The following IQGAP3 variants were observed in gnomAD, a reference collection of about 807,000 sequenced individuals.
The protein encoded by IQGAP3 is ras GTPase-activating-like protein IQGAP3.
Under a neutral mutation model 208.2 loss-of-function variants are expected in IQGAP3, and 165 were observed. The observed-to-expected ratio is 0.79, with a 90% CI of 0.70 to 0.90. The LOEUF (loss-of-function observed/expected upper bound fraction) is 0.90, where lower values mean the gene tolerates loss of function less well. Ranked by LOEUF, IQGAP3 falls within the 40% of genes least tolerant of loss-of-function variation. IQGAP3 has a pLI of 0.00. For synonymous variants in IQGAP3, 703 were observed against 803.6 expected, an observed-to-expected ratio of 0.87 and a Z score of 2.12; for missense variants, 1,811 against 2,043.1, an observed-to-expected ratio of 0.89 and a Z score of 2.19.
chr1:156,526,487 C>T lies in IQGAP3; in HGVS notation c.4895G>A (p.Ter1632=). ...FLLNKKFLRK[*] ...CTTGGGTAGCACCCTTTGCCTCTGTCACTTCCGCAAAAACTTCTTGTTGAG... is the reference window on the plus strand; with the variant it reads ...CTTGGGTAGCACCCTTTGCCTCTGTTACTTCCGCAAAAACTTCTTGTTGAG... Residue 1632 remains the stop codon, a stop_retained_variant, in exon 38 of 38, where the codon TGA becomes TAA. Coordinates refer to ENST00000361170, the MANE Select transcript of IQGAP3 (RefSeq NM_178229.5). The T allele has an allele frequency of 2.5e-6, 4 of 1,606,700 alleles. No homozygotes were observed. Among genetic ancestry groups the T allele is most frequent in the Non-Finnish European group, 3.4e-6 (4 of 1,173,162 alleles).
At chr1:156,557,296 G>GA (rs1557940274) in intron 11 of IQGAP3, among the ~76,000 whole-genome samples, 2 of 7,732 alleles carry the variant, frequency 2.6e-4, no homozygotes, top group African/African-American at 2.8e-4. Flanking sequence ...GAGGTGGGGG[G>GA]TCAGCCCCCC....
Position 156,563,661 on chromosome 1 carries a change from C to G in IQGAP3, c.511G>C (p.Glu171Gln). The G allele has an allele frequency of 6.2e-7, 1 of 1,612,262 alleles. No individual in the cohort carries two copies. The highest frequency in any genetic ancestry group is 8.5e-7 in the Non-Finnish European group (1 of 1,179,036). Residue 171 changes from glutamate to glutamine, a missense_variant, in exon 7 of 38, where the codon GAA (glutamate) becomes CAA (glutamine). By Grantham distance (29) the Glu-to-Gln change is conservative. Coordinates refer to ENST00000361170, the MANE Select transcript of IQGAP3 (RefSeq NM_178229.5). ...AGTTCGGACGCCATGTTGCTGAGTT[C>G]CTCAGCTGCAATGATGCCACAGGTG... ...LYGKVKFTAE[E>Q]LSNMASELAK...
intron 29 of IQGAP3, 39 bp from the exon 30 acceptor site, chr1:156,534,180 C>T: frequency 6.2e-7 from 1 of 1,608,922 alleles, no homozygotes; most frequent in Non-Finnish European, 8.5e-7. Context: ...CGGGGAGGGC[C>T]AGCACCCCAC....
chr1:156,549,740 A>G (rs1252433541), intron 16 of IQGAP3, among the ~76,000 whole-genome samples: 2 of 152,122 alleles, frequency 1.3e-5, no homozygotes, highest in Non-Finnish European at 2.9e-5. Context: ...TCTGCCTTCC[A>G]CTCACTAGCA....
intron 22 of IQGAP3, among the ~76,000 whole-genome samples, chr1:156,542,766 C>T (rs548560976): frequency 1.3e-5 from 2 of 151,960 alleles, no homozygotes; most frequent in South Asian, 2.1e-4. Flanking sequence ...ATGGGGAGAC[C>T]CCCATCTCTA....
intron 10 of IQGAP3, 61 bp from the exon 11 acceptor site, chr1:156,561,082 G>C (rs1218572252): frequency 1.6e-6 from 2 of 1,253,278 alleles, no homozygotes; most frequent in East Asian, 4.7e-5. Flanking sequence ...CATGCTTTAC[G>C]AGTTGCCAGC....
At chr1:156,528,132 C>G in intron 36 of IQGAP3, 72 bp from the exon 37 acceptor site, 1 of 1,151,852 alleles carries the variant, frequency 8.7e-7, no homozygotes, top group Non-Finnish European at 1.3e-6. Flanking sequence ...CTTGCACCCA[C>G]TGCTCCTCAT....
intron 4 of IQGAP3, 127 bp from the exon 5 acceptor site, chr1:156,564,818 G>T: frequency 5.8e-6 from 4 of 684,334 alleles, no homozygotes; most frequent in Non-Finnish European, 8.0e-6. Flanking sequence ...TACCTGGGGT[G>T]TCTAGGTCAG....
chr1:156,527,700 C>A (rs1375153143), intron 37 of IQGAP3, among the ~76,000 whole-genome samples: 2 of 152,170 alleles, frequency 1.3e-5, no homozygotes. Context: ...AAATATTAAT[C>A]CTGCTTCTGA....
chr1:156,539,723 T>C, intron 24 of IQGAP3, 115 bp downstream of exon 24: 1 of 1,314,236 alleles, frequency 7.6e-7, no homozygotes, highest in South Asian at 1.3e-5. Flanking sequence ...GATAAGGAAT[T>C]AAGATTATGG....
rs777892794 is a variant in IQGAP3, at chr1:156,526,529, T to C, written c.4853A>G (p.Asn1618Ser). 6.2e-6 allele frequency: 10 copies of C among 1,613,972 alleles called. No individual in the cohort carries two copies. The Admixed American group carries it at 1.0e-4, about 16-fold the overall frequency. The change falls in exon 38 of 38, where the codon AAC (asparagine) becomes AGC (serine). Residue 1618 changes from asparagine (N) to serine (S), a missense_variant. Asn to Ser is a conservative substitution (Grantham distance 46). Transcript: ENST00000361170. ...CTTGTTGAGGAGGAAGATGAGAAGG[T>C]TGACATTGACTTTGGCCTTGTTGAA... is the stretch of plus-strand genomic sequence containing the variant. Reference protein sequence around the residue: ...KLFNKAKVNVNLLIFLLNKKF... With the variant: ...KLFNKAKVNVSLLIFLLNKKF...
chr1:156,537,921 G>A (rs1674775848), intron 26 of IQGAP3, among the ~76,000 whole-genome samples: 1 of 149,182 alleles, frequency 6.7e-6, no homozygotes, highest in African/African-American at 2.5e-5. Context: ...CGGGGGGACA[G>A]AGTCTCACTC....
chr1:156,533,288 G>A (rs571516301), intron 31 of IQGAP3, among the ~76,000 whole-genome samples, 182 bp from the exon 32 acceptor site: 7 of 152,204 alleles, frequency 4.6e-5, no homozygotes, highest in Admixed American at 4.6e-4. Context: ...CCTTAGCACC[G>A]ATGGAAGGGC....
intron 8 of IQGAP3, 118 bp downstream of exon 8, chr1:156,563,016 G>C (rs1676228616): frequency 1.2e-6 from 1 of 822,222 alleles, no homozygotes; most frequent in African/African-American, 1.7e-5. Context: ...GATAAATTAT[G>C]GTTTCTCTAA....
intron 27 of IQGAP3, among the ~76,000 whole-genome samples, chr1:156,536,454 G>A (rs1459510486): frequency 6.6e-6 from 1 of 152,164 alleles, no homozygotes; most frequent in African/African-American, 2.4e-5. Context: ...TAGAATGGTG[G>A]TTACCGGAGT....
In IQGAP3 at chr1:156,537,191, C is replaced by T. The variant is rs758796925; in HGVS notation, c.3412G>A (p.Asp1138Asn). ...KFLLAITSSV[D>N]QIPYGMRYVA... The stretch of plus-strand genomic sequence containing the variant: ...GGCTGTTGCACATACGGAATTTGGT[C>T]CACAGATGAGGTGATGGCTAAAAGG... Residue 1138 changes from aspartate to asparagine, a missense_variant, in exon 27 of 38, where the codon GAC (aspartate) becomes AAC (asparagine). Coordinates refer to ENST00000361170, the MANE Select transcript of IQGAP3 (RefSeq NM_178229.5). 6.2e-7 allele frequency: 1 copy of T among 1,613,338 alleles called. No homozygotes were observed. The highest frequency in any genetic ancestry group is 8.5e-7 in the Non-Finnish European group (1 of 1,179,630).
Position 156,563,819 on chromosome 1 carries a change from A to G in IQGAP3, c.443T>C (p.Phe148Ser), listed in dbSNP as rs1022129918. The G allele has an allele frequency of 3.7e-6, 6 of 1,613,710 alleles. No homozygotes were observed. The African/African-American group carries it at 8.0e-5, about 22-fold the overall frequency. Residue 148 changes from phenylalanine to serine, a missense_variant, in exon 6 of 38, where the codon TTC becomes TCC. Physicochemically the swap from Phe to Ser is radical, Grantham distance 155 (BLOSUM62 -2). Transcript: ENST00000361170. ...VVYCIHALSLFLFRLGLAPQI... is the reference protein window; with the variant it reads ...VVYCIHALSLSLFRLGLAPQI... ...AGGGGCCAATCCCAGCCGGAAGAGG[A>G]AGAGACTAGGAAAAAACGGAAGGCA...
In IQGAP3 at chr1:156,544,138, A is replaced by C. The variant is rs1273960745; in HGVS notation, c.2460+14T>G. 6.2e-7 allele frequency: 1 copy of C among 1,613,938 alleles called. No homozygotes were observed. On this transcript the variant is annotated intron_variant, in intron 21 of 37. Transcript: ENST00000361170. The stretch of plus-strand genomic sequence containing the variant: ...GGTTGGGTATGTGGGCAGGGGGAAC[A>C]AGGTGACACTCACATTCTTCTGGAA...
At chr1:156,541,029 T>TCCCCAACC in intron 22 of IQGAP3, 113 bp from the exon 23 acceptor site, 1 of 796,050 alleles carries the variant, frequency 1.3e-6, no homozygotes. Flanking sequence ...GATCAGCAGG[T>TCCCCAACC]CCCCAACCCC....
Sources: allele counts gnomAD v4.1 joint callset (sites outside exome capture counted in the v4.1 genomes callset), GRCh38; gene constraint gnomAD v4.1.1; transcripts MANE v1.5; gene names NCBI Gene and HGNC (gene_info 2026-07-23, HGNC 2026-07-21).